Variants in RBFOX1 observed in about 807,000 individuals in gnomAD.
RBFOX1 encodes the protein RNA binding fox-1 homolog 1, also known as RNA binding protein fox-1 homolog 1.
In RBFOX1, 8 loss-of-function variants were observed where a neutral mutation model predicts 57.7. The ratio of observed to expected loss-of-function variants is 0.14; its 90% CI spans 0.08 to 0.25. RBFOX1 has a LOEUF of 0.25. RBFOX1 is among the 10% of genes least tolerant of loss of function. RBFOX1 has a pLI of 1.00. For missense variants in RBFOX1, 611 were observed against 548.5 expected (o/e 1.11, Z -1.14); for synonymous variants, 326 against 222.4 (o/e 1.47, Z -4.15).
chr16:6,515,553 A>C (rs2096359579), intron 2 of RBFOX1, among the ~76,000 whole-genome samples: 1 of 152,208 alleles, frequency 6.6e-6, no homozygotes, highest in African/African-American at 2.4e-5. Context: ...GACATTTATG[A>C]ACCTCTGTTT....
rs576155396 is a variant in RBFOX1 at position 5,792,843 on chromosome 16, CA to C, written c.319-74450del. ...GGGCAACAAGAGCGAGACTCCATCT[CA>C]AAAAAAAAATCATGAAGATAAGAAA... On this transcript the variant is annotated intron_variant, in intron 3 of 19. Coordinates refer to the RBFOX1 transcript ENST00000641259. 7.5e-5 allele frequency among the ~76,000 whole-genome samples: 11 copies of C among 147,616 alleles called. No homozygotes were observed. The South Asian group carries it at 8.5e-4, about 11-fold the overall frequency.
At chr16:6,454,191 A>AG in intron 2 of RBFOX1, among the ~76,000 whole-genome samples, 1 of 152,260 alleles carries the variant, frequency 6.6e-6, no homozygotes, top group Middle Eastern at 3.4e-3. Flanking sequence ...TCTGATGTAC[A>AG]GGGGGTTAAG....
chr16:5,687,678 G>C (rs971654036), intron 3 of RBFOX1, among the ~76,000 whole-genome samples: 2 of 152,148 alleles, frequency 1.3e-5, no homozygotes, highest in Non-Finnish European at 2.9e-5. Context: ...CAGTCTGCCT[G>C]ATACTGTCTC....
At chr16:7,592,808 A>G (rs993410039) in intron 7 of RBFOX1, among the ~76,000 whole-genome samples, 5 of 152,114 alleles carry the variant, frequency 3.3e-5, no homozygotes, top group Admixed American at 1.3e-4. Context: ...ATAAAATTCT[A>G]TTTATTACAA....
chr16:7,224,812 A>G (rs769097299), intron 4 of RBFOX1, among the ~76,000 whole-genome samples: 3 of 152,170 alleles, frequency 2.0e-5, no homozygotes, highest in Non-Finnish European at 4.4e-5. Context: ...TCACTTGGTA[A>G]CTGTTAGAAA....
chr16:5,361,359 T>G lies in RBFOX1; in HGVS notation c.220-105857T>G, dbSNP rs530355915. Among the ~76,000 whole-genome samples, 377 of 152,216 alleles carry G rather than the reference T, an allele frequency of 2.5e-3. 2 individuals carry two copies. Among genetic ancestry groups the G allele is most frequent in the Middle Eastern group, 0.014 (4 of 294 alleles). On this transcript the variant is annotated intron_variant, in intron 1 of 2. Coordinates refer to the RBFOX1 transcript ENST00000585867. ...GGCCAACTAGGTAGTTACCCAGAGG[T>G]CTAGGTTATAAGAAGTGCTAAAACA...
intron 4 of RBFOX1, among the ~76,000 whole-genome samples, chr16:7,483,573 G>C (rs1483333156): frequency 6.6e-6 from 1 of 152,202 alleles, no homozygotes; most frequent in Non-Finnish European, 1.5e-5. Context: ...TACTGCCTGA[G>C]GGTGGAGGTT....
intron 2 of RBFOX1, among the ~76,000 whole-genome samples, chr16:6,348,547 T>A (rs989577806): frequency 6.6e-6 from 1 of 152,046 alleles, no homozygotes; most frequent in Non-Finnish European, 1.5e-5. Context: ...AAATGAGCAT[T>A]AATTGGATCA....
intron 4 of RBFOX1, among the ~76,000 whole-genome samples, chr16:7,510,820 G>T (rs888020582): frequency 2.0e-5 from 3 of 152,156 alleles, no homozygotes; most frequent in Non-Finnish European, 2.9e-5. Context: ...TGCTGGTGGG[G>T]GGTCCCACTG....
At chr16:7,310,800 T>C (rs918941515) in intron 4 of RBFOX1, among the ~76,000 whole-genome samples, 6 of 152,230 alleles carry the variant, frequency 3.9e-5, no homozygotes, top group African/African-American at 1.4e-4. Context: ...CCATTCCATG[T>C]TGATGGAACT....
intron 4 of RBFOX1, among the ~76,000 whole-genome samples, chr16:7,165,100 C>G (rs556809292): frequency 5.3e-5 from 8 of 152,132 alleles, no homozygotes; most frequent in Non-Finnish European, 1.0e-4. Flanking sequence ...GCCAAGGATG[C>G]AATCCTGTCA....
At chr16:6,588,063 T>G (rs1454535454) in intron 2 of RBFOX1, among the ~76,000 whole-genome samples, 1 of 149,704 alleles carries the variant, frequency 6.7e-6, no homozygotes, top group African/African-American at 2.5e-5. Context: ...AACCGCTGTC[T>G]CTACTAAAAA....
At chr16:5,570,936 GA>G (rs1419164192) in intron 2 of RBFOX1, among the ~76,000 whole-genome samples, 1 of 151,962 alleles carries the variant, frequency 6.6e-6, no homozygotes, top group Non-Finnish European at 1.5e-5. Flanking sequence ...TCCAGATGCT[GA>G]GTTTGATATT....
chr16:6,799,297 C>G (rs1005417615), intron 3 of RBFOX1, among the ~76,000 whole-genome samples: 2 of 152,024 alleles, frequency 1.3e-5, no homozygotes, highest in East Asian at 1.9e-4. Context: ...TGTTGGCTAG[C>G]TGTATTTCTA....
intron 3 of RBFOX1, among the ~76,000 whole-genome samples, chr16:6,953,105 A>C (rs2081091837): frequency 6.6e-6 from 1 of 152,198 alleles, no homozygotes; most frequent in South Asian, 2.1e-4. Flanking sequence ...GAAGGCTTGA[A>C]GGTCTGCGAC....
At chr16:6,621,861 A>G (rs149518069) in intron 2 of RBFOX1, among the ~76,000 whole-genome samples, 160 of 152,328 alleles carry the variant, frequency 1.1e-3, no homozygotes, top group African/African-American at 3.7e-3. Context: ...CGCTTGACGA[A>G]CAAGGTTTGT....
rs113483646 is a variant in RBFOX1, at chr16:5,287,329, G to A, written c.219+47224G>A. On this transcript the variant is annotated intron_variant, in intron 1 of 2. Transcript: ENST00000585867. Reference sequence around the variant, plus strand: ...AAAAAAAAAAAAGGTTGGTTGGGGCGGGTTGGAGAAGAAAGTATTTCTGAA... The same window carrying A: ...AAAAAAAAAAAAGGTTGGTTGGGGCAGGTTGGAGAAGAAAGTATTTCTGAA... Among the ~76,000 whole-genome samples the A allele has an allele frequency of 1.5e-3, 235 of 152,150 alleles. 2 individuals carry two copies. The highest frequency in any genetic ancestry group is 5.2e-3 in the African/African-American group (214 of 41,512).
chr16:5,263,083 G>T (rs2062774226), intron 1 of RBFOX1, among the ~76,000 whole-genome samples: 1 of 151,948 alleles, frequency 6.6e-6, no homozygotes, highest in South Asian at 2.1e-4. Context: ...GGTGGTGGTG[G>T]TGGTGGTGGT....
chr16:7,591,574 T>A (rs2094444328), intron 7 of RBFOX1, among the ~76,000 whole-genome samples: 1 of 152,180 alleles, frequency 6.6e-6, no homozygotes, highest in South Asian at 2.1e-4. Flanking sequence ...AGGTCCCCGT[T>A]ATCTGCCCTA....
Sources: gnomAD v4.1 joint callset for allele counts (sites outside exome capture counted in the v4.1 genomes callset) on GRCh38, gnomAD v4.1.1 for gene constraint, MANE v1.5 for transcripts, NCBI Gene and HGNC (gene_info 2026-07-23, HGNC 2026-07-21) for gene names.